Variants in EPRS1 observed in about 807,000 individuals in gnomAD.
EPRS1 encodes the protein glutamyl-prolyl-tRNA synthetase 1, also known as bifunctional glutamate/proline--tRNA ligase.
In EPRS1, 107 loss-of-function variants were observed where a neutral mutation model predicts 188.3. The ratio of observed to expected loss-of-function variants is 0.57; its 90% CI spans 0.49 to 0.67. The LOEUF (loss-of-function observed/expected upper bound fraction) is 0.67. Ranked by LOEUF, EPRS1 falls within the 30% of genes least tolerant of loss-of-function variation. The pLI, the probability that EPRS1 is intolerant of heterozygous loss-of-function variation, is 0.00. For synonymous variants in EPRS1, 596 were observed against 593.1 expected, an observed-to-expected ratio of 1.00 and a Z score of -0.07; for missense variants, 1,577 against 1,802.2, an observed-to-expected ratio of 0.88 and a Z score of 2.26.
intron 20 of EPRS1, among the ~76,000 whole-genome samples, chr1:219,986,427 A>G (rs1284694708): frequency 6.6e-6 from 1 of 152,128 alleles, no homozygotes; most frequent in Non-Finnish European, 1.5e-5. Flanking sequence ...AATTTCCCCC[A>G]CTTGATCTGC....
chr1:219,989,381 T>C (rs759855740), intron 18 of EPRS1, among the ~76,000 whole-genome samples: 11 of 151,340 alleles, frequency 7.3e-5, no homozygotes, highest in Non-Finnish European at 1.6e-4. Flanking sequence ...AAAAGAATGA[T>C]ATACTCAGCC....
At chr1:220,019,835 T>G (rs566081727) in intron 10 of EPRS1, among the ~76,000 whole-genome samples, 153 bp downstream of exon 10, 12 of 152,320 alleles carry the variant, frequency 7.9e-5, no homozygotes, top group Admixed American at 1.3e-4. Flanking sequence ...GAAGCCCTAA[T>G]GCACTGGCTG....
At chr1:220,040,332 A>G in intron 1 of EPRS1, 63 bp from the exon 2 acceptor site, 1 of 1,140,844 alleles carries the variant, frequency 8.8e-7, no homozygotes. Flanking sequence ...AACTTGAATC[A>G]TAAAGCAATC....
Position 220,032,418 on chromosome 1 carries a change from T to G in EPRS1, c.497A>C (p.Lys166Thr), listed in dbSNP as rs1210641118. ...AQQAFQSVGT[K>T]WDVSTTKARV... ...AGCTTTGGTTGTTGAAACATCCCACTTGGTACCTACTGACTGGAAGGCCTG... is the reference window on the plus strand; with the variant it reads ...AGCTTTGGTTGTTGAAACATCCCACGTGGTACCTACTGACTGGAAGGCCTG... Residue 166 changes from lysine (K) to threonine (T), a missense_variant, in exon 5 of 32, where the codon AAG becomes ACG. Around this residue, in one of 3 missense-constraint regions of EPRS1, gnomAD observed 1,278 missense variants for 1,457.4 expected, o/e 0.88. Coordinates refer to ENST00000366923, the MANE Select transcript of EPRS1 (RefSeq NM_004446.3). The G allele has an allele frequency of 8.7e-6, 14 of 1,613,376 alleles. 1 individual carries two copies. The South Asian group carries it at 1.4e-4, about 16-fold the overall frequency.
chr1:220,011,531 T>C (rs1661603914), intron 12 of EPRS1, among the ~76,000 whole-genome samples: 2 of 152,210 alleles, frequency 1.3e-5, no homozygotes, highest in Non-Finnish European at 2.9e-5. Context: ...CAGAATAGCA[T>C]TCGGTCACTA....
At chr1:220,011,231 C>T (rs1661599620) in intron 12 of EPRS1, among the ~76,000 whole-genome samples, 175 bp from the exon 13 acceptor site, 1 of 152,096 alleles carries the variant, frequency 6.6e-6, no homozygotes, top group Admixed American at 6.5e-5. Flanking sequence ...AAGAGAACAA[C>T]TGTAAACCAA....
chr1:219,992,160 G>T (rs1661136463), intron 18 of EPRS1, among the ~76,000 whole-genome samples: 1 of 152,178 alleles, frequency 6.6e-6, no homozygotes, highest in Non-Finnish European at 1.5e-5. Flanking sequence ...GGACAAAAGG[G>T]TACAGGGATG....
At chr1:220,032,241 A>AT (rs57738676) in intron 5 of EPRS1, 146 bp downstream of exon 5, 1,786 of 415,258 alleles carry the variant, frequency 4.3e-3, no homozygotes, top group Middle Eastern at 9.1e-3. Flanking sequence ...CGCCCGGCTA[A>AT]TTTTTTTTTT....
intron 2 of EPRS1, among the ~76,000 whole-genome samples, chr1:220,038,387 T>TA (rs1571699834): frequency 9.9e-6 from 1 of 100,950 alleles, no homozygotes; most frequent in East Asian, 2.7e-4. Context: ...CAGCTCAGTT[T>TA]ATCTTTTTTT....
At position 220,006,049 on chromosome 1, in the gene EPRS1, T is replaced by G. The variant is rs1253245803; in HGVS notation, c.1950+57A>C. On this transcript the variant is annotated intron_variant, in intron 15 of 31. Coordinates refer to ENST00000366923, the MANE Select transcript of EPRS1 (RefSeq NM_004446.3). The stretch of plus-strand genomic sequence containing the variant: ...AGGATCCGAAATATATAAAATTAAT[T>G]TTTTTAATTCTAAAGGAAAATTTAA... 4.0e-6 allele frequency: 4 copies of G among 1,010,384 alleles called. No homozygotes were observed. The African/African-American group carries it at 6.6e-5, about 17-fold the overall frequency. 62.6% of individuals were successfully genotyped at this position (1,010,384 alleles called of 1,614,324 possible). A position where few individuals can be genotyped will look rare whatever the true frequency, so the allele number is the denominator to read the frequency against.
chr1:219,971,073 C>CA (rs936814304), intron 30 of EPRS1, among the ~76,000 whole-genome samples: 21 of 151,842 alleles, frequency 1.4e-4, no homozygotes, highest in African/African-American at 4.3e-4. Flanking sequence ...ATTTAAAACA[C>CA]AAAAAAAGAT....
chr1:220,022,326 T>C, intron 9 of EPRS1, 21 bp downstream of exon 9: 1 of 1,599,044 alleles, frequency 6.3e-7, no homozygotes, highest in South Asian at 1.1e-5. Context: ...CTACCTAGCA[T>C]ATTGAAGGAG....
chr1:219,997,315 T>C lies in EPRS1; in HGVS notation c.2209A>G (p.Thr737Ala), dbSNP rs776812899. 6.2e-6 allele frequency: 10 copies of C among 1,608,250 alleles called. No homozygotes were observed. The highest frequency in any genetic ancestry group is 1.3e-5 in the African/African-American group (1 of 74,788). The change falls in exon 18 of 32, where the codon ACA becomes GCA. Residue 737 changes from threonine to alanine, a missense_variant. Transcript: ENST00000366923. The part of the protein sequence containing the change: ...ETSAPFKERP[T>A]PSLNNNCTTS... ...GTACAATTATTATTCAGAGAAGGTG[T>C]TGGTCTTTCCTTAAAAGGAGCAGAG...
At chr1:220,010,885 T>C in intron 13 of EPRS1, 61 bp downstream of exon 13, 1 of 969,216 alleles carries the variant, frequency 1.0e-6, no homozygotes, top group Non-Finnish European at 1.6e-6. Context: ...ACATTTTCCT[T>C]TTTATTTCCT....
rs113539774 is a variant in EPRS1 at position 219,984,567 on chromosome 1, T to C, written c.3039-310A>G. 5.5e-3 allele frequency among the ~76,000 whole-genome samples: 836 copies of C among 152,240 alleles called. 10 individuals carry two copies. Among genetic ancestry groups the C allele is most frequent in the African/African-American group, 0.02 (811 of 41,558 alleles). On this transcript the variant is annotated intron_variant, in intron 20 of 31. Transcript: ENST00000366923. ...CCCAGTAGCTAGGACTACAGGTGCA[T>C]ACAACATCTGGCTTATTTTTTTATT...
chr1:219,982,001 T>C (rs1321962918), intron 23 of EPRS1, among the ~76,000 whole-genome samples: 6 of 152,220 alleles, frequency 3.9e-5, no homozygotes, highest in African/African-American at 1.4e-4. Context: ...AAAGTGAAGA[T>C]ACCTGTCTTA....
chr1:220,025,000 A>G, intron 7 of EPRS1, 132 bp downstream of exon 7: 1 of 850,024 alleles, frequency 1.2e-6, no homozygotes, highest in Non-Finnish European at 1.9e-6. Context: ...TAGGTCTCAG[A>G]TATGGAATAT....
chr1:219,979,712 A>C, intron 26 of EPRS1, 97 bp from the exon 27 acceptor site: 1 of 772,942 alleles, frequency 1.3e-6, no homozygotes, highest in Non-Finnish European at 2.1e-6. Context: ...ATGGCACTAC[A>C]CTTTTTTTCT....
rs891441382 is a variant in EPRS1 at position 220,014,547 on chromosome 1, T to C, written c.1495-3491A>G. 3.3e-5 allele frequency among the ~76,000 whole-genome samples: 5 copies of C among 152,308 alleles called. No homozygotes were observed. The East Asian group carries it at 7.7e-4, about 24-fold the overall frequency. On this transcript the variant is annotated intron_variant, in intron 12 of 31. Transcript: ENST00000366923. ...GAGAGACAATGGGAATAAGTGAATG[T>C]ATGATAGTAGATTTATAAAACCCTC...
Sources: gnomAD v4.1 joint callset for allele counts (sites outside exome capture counted in the v4.1 genomes callset) on GRCh38, gnomAD v4.1.1 for gene constraint, gnomAD v4.1.1 regional missense constraint, MANE v1.5 for transcripts, NCBI Gene and HGNC (gene_info 2026-07-23, HGNC 2026-07-21) for gene names.